The following MAD1L1 variants were observed in gnomAD, a reference collection of about 807,000 sequenced individuals.
MAD1L1 encodes mitotic arrest deficient 1 like 1, also known as mitotic spindle assembly checkpoint protein MAD1.
In MAD1L1, 95 loss-of-function variants were observed where a neutral mutation model predicts 96.9. The observed-to-expected ratio is 0.98, with a 90% CI of 0.83 to 1.16. The LOEUF is 1.16. Ranked by LOEUF, MAD1L1 falls within the 50% of genes most tolerant of loss-of-function variation. MAD1L1 has a pLI of 0.00. For synonymous variants in MAD1L1, 473 were observed against 396.6 expected (o/e 1.19, Z -2.29); for missense variants, 1,007 against 954.4 (o/e 1.06, Z -0.73).
intron 10 of MAD1L1, among the ~76,000 whole-genome samples, chr7:2,205,472 C>G (rs765297525): frequency 3.0e-4 from 46 of 152,266 alleles, no homozygotes; most frequent in Middle Eastern, 3.4e-3. Context: ...ACCCCATCTC[C>G]CAGGAACTGA....
chr7:2,091,346 G>A (rs552700680), intron 11 of MAD1L1, among the ~76,000 whole-genome samples: 2 of 152,302 alleles, frequency 1.3e-5, no homozygotes, highest in African/African-American at 2.4e-5. Flanking sequence ...CAGCAGTACA[G>A]GTATGTGCCA....
intron 12 of MAD1L1, among the ~76,000 whole-genome samples, chr7:2,049,981 C>A (rs185817818): frequency 6.6e-6 from 1 of 150,836 alleles, no homozygotes; most frequent in Non-Finnish European, 1.5e-5. Flanking sequence ...CCAGACCACA[C>A]GTTCACAGGG....
chr7:1,875,339 A>G (rs1785326568), intron 18 of MAD1L1, among the ~76,000 whole-genome samples: 1 of 152,210 alleles, frequency 6.6e-6, no homozygotes, highest in Non-Finnish European at 1.5e-5. Context: ...CGAGAGACCA[A>G]GAAGAAAACA....
At chr7:2,055,669 CAAAA>C (rs35707803) in intron 12 of MAD1L1, among the ~76,000 whole-genome samples, 7,517 of 90,392 alleles carry the variant, frequency 0.083, 270 homozygotes, top group Admixed American at 0.16. Flanking sequence ...GACCCTGTCT[CAAAA>C]AAAAAAAAAA....
intron 16 of MAD1L1, among the ~76,000 whole-genome samples, chr7:1,937,233 G>T (rs1282665597): frequency 6.6e-6 from 1 of 152,182 alleles, no homozygotes; most frequent in Non-Finnish European, 1.5e-5. Flanking sequence ...GCCCGGGAGG[G>T]AGGCTTCCTC....
At chr7:1,870,112 G>A (rs527717887) in intron 18 of MAD1L1, among the ~76,000 whole-genome samples, 69 of 152,158 alleles carry the variant, frequency 4.5e-4, no homozygotes, top group African/African-American at 1.6e-3. Flanking sequence ...GATGCGAGCC[G>A]CTGCCCAGAA....
At chr7:1,875,465 G>A (rs979397409) in intron 18 of MAD1L1, among the ~76,000 whole-genome samples, 2 of 152,188 alleles carry the variant, frequency 1.3e-5, no homozygotes, top group Non-Finnish European at 2.9e-5. Context: ...TCTGCAGCAG[G>A]AAGGCTGGGC....
intron 18 of MAD1L1, among the ~76,000 whole-genome samples, chr7:1,885,284 A>G (rs114578229): frequency 0.023 from 3,553 of 152,072 alleles, 145 homozygotes; most frequent in African/African-American, 0.078. Flanking sequence ...TGCCTCTCAC[A>G]TGCCCTCTGC....
chr7:2,218,141 G>T, intron 6 of MAD1L1, 98 bp from the exon 7 acceptor site: 2 of 882,814 alleles, frequency 2.3e-6, no homozygotes, highest in South Asian at 1.4e-5. Context: ...ACCCACATAC[G>T]TTCATTCCCA....
At chr7:2,149,725 G>T (rs1327487905) in intron 10 of MAD1L1, among the ~76,000 whole-genome samples, 1 of 152,212 alleles carries the variant, frequency 6.6e-6, no homozygotes, top group African/African-American at 2.4e-5. Context: ...CAACCCTGTT[G>T]TTCACCGTTT....
At chr7:2,081,238 C>T (rs1220469763) in intron 11 of MAD1L1, among the ~76,000 whole-genome samples, 4 of 152,120 alleles carry the variant, frequency 2.6e-5, no homozygotes, top group Non-Finnish European at 4.4e-5. Context: ...TGGTGGAAAG[C>T]GGCCTGTGGG....
intron 11 of MAD1L1, among the ~76,000 whole-genome samples, chr7:2,087,176 G>A (rs1785961507): frequency 6.6e-6 from 1 of 152,134 alleles, no homozygotes; most frequent in African/African-American, 2.4e-5. Context: ...GCTGTGGTGG[G>A]GGATGCTCAG....
At chr7:1,952,301 G>A (rs1039842630) in intron 16 of MAD1L1, among the ~76,000 whole-genome samples, 5 of 152,324 alleles carry the variant, frequency 3.3e-5, no homozygotes, top group East Asian at 1.9e-4. Context: ...CGAGGACTGC[G>A]GCCGACTCAG....
chr7:2,207,032 C>T (rs1004986394), intron 10 of MAD1L1, among the ~76,000 whole-genome samples: 6 of 150,028 alleles, frequency 4.0e-5, no homozygotes, highest in African/African-American at 1.5e-4. Context: ...AAGCCAAGAT[C>T]GCACCATTGC....
At chr7:2,209,426 C>A (rs562635844) in intron 10 of MAD1L1, among the ~76,000 whole-genome samples, 3 of 152,200 alleles carry the variant, frequency 2.0e-5, no homozygotes, top group Admixed American at 1.3e-4. Context: ...CAGCCCAGAG[C>A]CCACAGGCCT....
At chr7:1,850,523 G>A (rs1783910781) in intron 18 of MAD1L1, among the ~76,000 whole-genome samples, 1 of 152,194 alleles carries the variant, frequency 6.6e-6, no homozygotes, top group African/African-American at 2.4e-5. Context: ...GGTGGGTCAG[G>A]GCCTGGGCAG....
intron 18 of MAD1L1, among the ~76,000 whole-genome samples, chr7:1,885,167 G>T (rs534941358): frequency 2.3e-4 from 35 of 152,248 alleles, no homozygotes; most frequent in South Asian, 1.7e-3. Context: ...CGCTGCTCCA[G>T]CCTCAGAGAT....
At chr7:2,041,300 C>T (rs1783662048) in intron 12 of MAD1L1, among the ~76,000 whole-genome samples, 1 of 152,190 alleles carries the variant, frequency 6.6e-6, no homozygotes, top group African/African-American at 2.4e-5. Context: ...TCTGGGATGT[C>T]CTTCTCAAGG....
At chr7:2,125,660 C>T (rs936603477) in intron 11 of MAD1L1, among the ~76,000 whole-genome samples, 2 of 152,308 alleles carry the variant, frequency 1.3e-5, no homozygotes, top group African/African-American at 4.8e-5. Context: ...GGGCAGTGAG[C>T]CACTGGCCCT....
Sources: gnomAD v4.1 joint callset for allele counts (sites outside exome capture counted in the v4.1 genomes callset) on GRCh38, gnomAD v4.1.1 for gene constraint, MANE v1.5 for transcripts, NCBI Gene and HGNC (gene_info 2026-07-23, HGNC 2026-07-21) for gene names.